GALNTL6: variants seen among roughly 807,000 people sequenced by gnomAD.
GALNTL6 encodes the protein polypeptide N-acetylgalactosaminyltransferase-like 6.
Under a neutral mutation model 73.7 loss-of-function variants are expected in GALNTL6, and 46 were observed. The observed-to-expected ratio is 0.62, with a 90% CI of 0.49 to 0.80. The LOEUF is 0.80. Among genes scored for constraint, GALNTL6 ranks in the 30% least tolerant of loss-of-function variants. The probability of loss-of-function intolerance (pLI) is 0.00; values close to 1 mark genes in which losing one functional copy is unlikely to be tolerated. For synonymous variants in GALNTL6, 259 were observed against 263.7 expected (o/e 0.98, Z 0.17); for missense variants, 604 against 755.0 (o/e 0.80, Z 2.34).
chr4:172,568,296 G>A (rs1242974091), intron 5 of GALNTL6, among the ~76,000 whole-genome samples: 3 of 152,014 alleles, frequency 2.0e-5, no homozygotes, highest in African/African-American at 2.4e-5. Context: ...AGAACTTGGC[G>A]GCTGATTTGT....
chr4:171,858,430 G>T (rs1735746805), intron 2 of GALNTL6, among the ~76,000 whole-genome samples: 2 of 150,174 alleles, frequency 1.3e-5, no homozygotes, highest in Admixed American at 6.6e-5. Context: ...GAAGAAATGG[G>T]CAAACAAAAT....
chr4:172,903,359 TG>T (rs1746724414), intron 8 of GALNTL6, among the ~76,000 whole-genome samples: 1 of 152,182 alleles, frequency 6.6e-6, no homozygotes, highest in African/African-American at 2.4e-5. Context: ...CTGAGAAATT[TG>T]TTTATTCTCT....
chr4:173,029,680 T>G (rs1011171819), intron 12 of GALNTL6, among the ~76,000 whole-genome samples: 2 of 152,122 alleles, frequency 1.3e-5, no homozygotes, highest in Admixed American at 6.5e-5. Flanking sequence ...AGAAAAAAAA[T>G]CTCAGTCTTT....
chr4:172,590,888 G>A (rs1737612089), intron 5 of GALNTL6, among the ~76,000 whole-genome samples: 1 of 152,092 alleles, frequency 6.6e-6, no homozygotes, highest in Non-Finnish European at 1.5e-5. Context: ...ATATGTGTAT[G>A]GGGAAATCTA....
intron 2 of GALNTL6, among the ~76,000 whole-genome samples, chr4:172,013,870 C>CA (rs1226271090): frequency 7.2e-6 from 1 of 138,318 alleles, no homozygotes; most frequent in African/African-American, 2.6e-5. Flanking sequence ...CTGAGCCCCC[C>CA]ACTACCCTTC....
intron 5 of GALNTL6, among the ~76,000 whole-genome samples, chr4:172,516,487 A>T (rs1204797582): frequency 6.6e-6 from 1 of 152,158 alleles, no homozygotes; most frequent in African/African-American, 2.4e-5. Flanking sequence ...AAACAAAATA[A>T]TCTTTTTCTT....
intron 5 of GALNTL6, among the ~76,000 whole-genome samples, chr4:172,482,905 T>C (rs1332413408): frequency 6.6e-6 from 1 of 152,210 alleles, no homozygotes; most frequent in Non-Finnish European, 1.5e-5. Context: ...ACTCTAAAGA[T>C]ATCATTTTAC....
At chr4:172,860,137 G>A (rs922500793) in intron 7 of GALNTL6, among the ~76,000 whole-genome samples, 1 of 152,108 alleles carries the variant, frequency 6.6e-6, no homozygotes, top group Non-Finnish European at 1.5e-5. Context: ...ACTGCTCAAT[G>A]ATACAAACAT....
At chr4:171,920,129 C>CA (rs201493814) in intron 2 of GALNTL6, among the ~76,000 whole-genome samples, 3 of 150,652 alleles carry the variant, frequency 2.0e-5, no homozygotes, top group African/African-American at 4.9e-5. Flanking sequence ...GTCGCAAGGA[C>CA]AAAAAAACCA....
chr4:173,038,877 G>T (rs1753795776), intron 12 of GALNTL6, among the ~76,000 whole-genome samples: 1 of 152,110 alleles, frequency 6.6e-6, no homozygotes, highest in Admixed American at 6.5e-5. Flanking sequence ...CTCAGATAAA[G>T]GTAACCAGAG....
At chr4:171,949,671 TA>T in intron 2 of GALNTL6, among the ~76,000 whole-genome samples, 1 of 152,166 alleles carries the variant, frequency 6.6e-6, no homozygotes, top group African/African-American at 2.4e-5. Flanking sequence ...CAAGACTAAG[TA>T]AAAATATATT....
intron 2 of GALNTL6, among the ~76,000 whole-genome samples, chr4:171,974,599 T>A (rs1203998529): frequency 6.6e-6 from 1 of 152,188 alleles, no homozygotes; most frequent in East Asian, 1.9e-4. Flanking sequence ...TATTTTTACC[T>A]TTAGACAAAA....
chr4:172,871,793 G>GT (rs1230404527), intron 7 of GALNTL6, among the ~76,000 whole-genome samples: 2 of 56,412 alleles, frequency 3.5e-5, no homozygotes, highest in Admixed American at 1.7e-4. Context: ...GTTTTTTGGG[G>GT]TTTTTTTGGT....
intron 2 of GALNTL6, among the ~76,000 whole-genome samples, chr4:172,168,989 T>C (rs970579022): frequency 1.3e-5 from 2 of 152,182 alleles, no homozygotes; most frequent in Admixed American, 1.3e-4. Context: ...CAGAATGGCA[T>C]GTATAAACTT....
intron 2 of GALNTL6, among the ~76,000 whole-genome samples, chr4:172,069,498 ATG>A (rs375998306): frequency 9.0e-5 from 6 of 66,366 alleles, no homozygotes; most frequent in East Asian, 2.8e-4. Context: ...CATATGTTAT[ATG>A]TATAACACAT....
rs1051585128 is a variant in GALNTL6, at chr4:171,819,778, G to A, written c.138+5060G>A. On this transcript the variant is annotated intron_variant, in intron 2 of 12. Transcript: ENST00000506823. ...ATAGAATCAGACTTAGATATGTTTC[G>A]TGCATCATGTATTCCCATTTCTCCC... is the stretch of plus-strand genomic sequence containing the variant. Among the ~76,000 whole-genome samples the A allele has an allele frequency of 2.6e-5, 4 of 152,138 alleles. No individual in the cohort carries two copies. In the South Asian group the frequency reaches 6.2e-4, roughly 24 times the overall value.
Position 172,829,745 on chromosome 4 carries a change from T to C in GALNTL6, c.923+16022T>C, listed in dbSNP as rs532754511. 3.3e-4 allele frequency among the ~76,000 whole-genome samples: 50 copies of C among 152,334 alleles called. 1 individual carries two copies. Among genetic ancestry groups the C allele is most frequent in the African/African-American group, 1.1e-3 (46 of 41,576 alleles). ...ACCTTTGCTTCTTGGTATCTAAAAGTTTAACTAGGCACATCCTGCAAACTA... is the reference window on the plus strand; with the variant it reads ...ACCTTTGCTTCTTGGTATCTAAAAGCTTAACTAGGCACATCCTGCAAACTA... On this transcript the variant is annotated intron_variant, in intron 7 of 12. Coordinates refer to ENST00000506823, the MANE Select transcript of GALNTL6 (RefSeq NM_001034845.3).
intron 2 of GALNTL6, among the ~76,000 whole-genome samples, chr4:171,886,681 C>A (rs1258718178): frequency 6.6e-6 from 1 of 152,056 alleles, no homozygotes; most frequent in East Asian, 1.9e-4. Context: ...GAGAAAAGAG[C>A]TTGTGCAGGG....
intron 5 of GALNTL6, among the ~76,000 whole-genome samples, chr4:172,542,713 G>C (rs1260434859): frequency 6.6e-6 from 1 of 152,134 alleles, no homozygotes; most frequent in African/African-American, 2.4e-5. Flanking sequence ...CCAAGGTGGG[G>C]GTTCTGTTCA....
Sources: gnomAD v4.1 joint callset for allele counts (sites outside exome capture counted in the v4.1 genomes callset) on GRCh38, gnomAD v4.1.1 for gene constraint, MANE v1.5 for transcripts, NCBI Gene and HGNC (gene_info 2026-07-23, HGNC 2026-07-21) for gene names.